The following VCL variants were observed in gnomAD, a reference collection of about 807,000 sequenced individuals.
VCL encodes the protein vinculin.
VCL carries 47 observed loss-of-function variants against 125.7 expected under a neutral mutation model. The ratio of observed to expected loss-of-function variants is 0.37; its 90% CI spans 0.30 to 0.48. The LOEUF (loss-of-function observed/expected upper bound fraction) is 0.48, where lower values mean the gene tolerates loss of function less well. Among genes scored for constraint, VCL ranks in the 20% least tolerant of loss-of-function variants. VCL has a pLI of 0.99. For missense variants in VCL, 1,069 were observed against 1,455.5 expected (o/e 0.73, Z 4.32); for synonymous variants, 458 against 514.6 (o/e 0.89, Z 1.49).
At chr10:74,109,854 A>C (rs1183592253) in intron 18 of VCL, among the ~76,000 whole-genome samples, 1 of 152,220 alleles carries the variant, frequency 6.6e-6, no homozygotes, top group Non-Finnish European at 1.5e-5. Context: ...AGTGAAAGGT[A>C]GCTCTTAGTT....
intron 13 of VCL, among the ~76,000 whole-genome samples, chr10:74,099,535 G>GTGAGTTCCT (rs1840019187): frequency 6.6e-6 from 1 of 152,182 alleles, no homozygotes; most frequent in African/African-American, 2.4e-5. Context: ...TCACTGGGCT[G>GTGAGTTCCT]TGAGTTCCTT....
intron 21 of VCL, among the ~76,000 whole-genome samples, chr10:74,115,994 C>T (rs566381468): frequency 6.6e-6 from 1 of 152,304 alleles, no homozygotes; most frequent in Admixed American, 6.5e-5. Context: ...ACACAGGGCT[C>T]CTCACACATG....
At chr10:74,081,740 G>C (rs11000868) in intron 6 of VCL, among the ~76,000 whole-genome samples, 1 of 151,932 alleles carries the variant, frequency 6.6e-6, no homozygotes, top group Non-Finnish European at 1.5e-5. Context: ...GATAGTCCTC[G>C]TGAATCCTGG....
intron 1 of VCL, among the ~76,000 whole-genome samples, chr10:74,008,630 C>G (rs1840362019): frequency 6.6e-6 from 1 of 152,180 alleles, no homozygotes; most frequent in Non-Finnish European, 1.5e-5. Flanking sequence ...CAAAGTTGAT[C>G]TGCTGCTTTT....
At chr10:74,044,944 C>T (rs1032602698) in intron 2 of VCL, among the ~76,000 whole-genome samples, 2 of 151,666 alleles carry the variant, frequency 1.3e-5, no homozygotes, top group African/African-American at 2.4e-5. Context: ...TTTGGGAGGC[C>T]GAGGAGGGAA....
At position 74,097,305 on chromosome 10, in the gene VCL, G is replaced by A. The variant is rs749812890; in HGVS notation, c.1845G>A (p.Ala615=). The A allele has an allele frequency of 9.9e-6, 16 of 1,613,692 alleles. No homozygotes were observed. The highest frequency in any genetic ancestry group is 2.7e-5 in the African/African-American group (2 of 75,008). The change falls in exon 13 of 22, where the codon GCG becomes GCA. Residue 615 remains alanine (A), a synonymous_variant. Transcript: ENST00000211998. The surrounding 1 kb of genome is among the most constrained non-coding windows in gnomAD (Gnocchi z 4.1). ...PIKLLAVAAT[A]PPDAPNREEV... ...AGCTGTTGGCAGTGGCAGCCACGGC[G>A]CCTCCTGATGCGCCTAACAGGGAAG...
At chr10:74,030,575 C>T (rs1840857131) in intron 1 of VCL, among the ~76,000 whole-genome samples, 1 of 152,138 alleles carries the variant, frequency 6.6e-6, no homozygotes, top group African/African-American at 2.4e-5. Context: ...AAATGATAAA[C>T]TCAGTTACAG....
chr10:74,073,506 T>A (rs765635846), intron 5 of VCL, among the ~76,000 whole-genome samples: 1 of 152,230 alleles, frequency 6.6e-6, no homozygotes, highest in Non-Finnish European at 1.5e-5. Context: ...CACACCTTTG[T>A]GTTATAGAAA....
chr10:74,074,615 T>C lies in VCL; in HGVS notation c.623-128T>C, dbSNP rs113749736. 3.9e-5 allele frequency: 41 copies of C among 1,040,346 alleles called. 2 individuals are homozygous for C. The African/African-American group carries it at 4.0e-4, about 10-fold the overall frequency. The allele number at this position is 1,040,346 out of a possible 1,614,324, so 64.4% of individuals were successfully genotyped here. On this transcript the variant is annotated intron_variant, in intron 5 of 21. Coordinates refer to ENST00000211998, the MANE Select transcript of VCL (RefSeq NM_014000.3). Reference sequence around the variant, plus strand: ...GAACTTTATTGTCAAACTTGTAGTGTTTGTTTTGTATACTCATTTTAGGAT... The same window carrying C: ...GAACTTTATTGTCAAACTTGTAGTGCTTGTTTTGTATACTCATTTTAGGAT...
intron 1 of VCL, among the ~76,000 whole-genome samples, chr10:74,039,014 C>T (rs180730006): frequency 1.6e-3 from 239 of 152,184 alleles, no homozygotes; most frequent in Non-Finnish European, 2.6e-3. Flanking sequence ...CAGGTTCAAG[C>T]GATTCTCTTG....
At chr10:74,018,248 G>A (rs188366468) in intron 1 of VCL, among the ~76,000 whole-genome samples, 1 of 132,540 alleles carries the variant, frequency 7.5e-6, no homozygotes, top group East Asian at 2.0e-4. Context: ...TTATAGAATG[G>A]GGTTTTACCA....
chr10:74,091,977 T>G lies in VCL; in HGVS notation c.1352+1779T>G, dbSNP rs551432943. On this transcript the variant is annotated intron_variant, in intron 10 of 21. Transcript: ENST00000211998. The stretch of plus-strand genomic sequence containing the variant: ...AGGCTGGAGTGCAGTGGCGTGATCT[T>G]GGCTCACTGCATCCTCCGCTTGCCA... Among the ~76,000 whole-genome samples the G allele has an allele frequency of 2.0e-5, 3 of 152,108 alleles. No individual in the cohort carries two copies. The South Asian group carries it at 6.2e-4, about 32-fold the overall frequency.
chr10:74,062,026 T>C (rs545944631), intron 2 of VCL, among the ~76,000 whole-genome samples: 55 of 151,112 alleles, frequency 3.6e-4, no homozygotes, highest in Non-Finnish European at 6.9e-4. Context: ...GCCTCAAGAG[T>C]AGCTGGGGCT....
rs780482320 is a variant in VCL at position 73,998,195 on chromosome 10, G to A, written c.-13G>A. ...TCTGTCGCCCGCGGTTCGCCGCCCC[G>A]CTCGCCGCCGCGATGCCAGTGTTTC... is the stretch of plus-strand genomic sequence containing the variant. On this transcript the variant is annotated 5_prime_UTR_variant, in exon 1 of 22. Coordinates refer to ENST00000211998, the MANE Select transcript of VCL (RefSeq NM_014000.3). The A allele has an allele frequency of 5.0e-6, 8 of 1,610,464 alleles. No homozygotes were observed. Among genetic ancestry groups the A allele is most frequent in the Admixed American group, 1.7e-5 (1 of 59,842 alleles).
Position 74,037,516 on chromosome 10 carries a change from T to C in VCL, c.169-5567T>C, listed in dbSNP as rs539987573. On this transcript the variant is annotated intron_variant, in intron 1 of 21. Coordinates refer to ENST00000211998, the MANE Select transcript of VCL (RefSeq NM_014000.3). ...AGAACAGAGGATGACAATCTTTGAA[T>C]AAATGGGCAGGTCAAGGTAACATAA... is the stretch of plus-strand genomic sequence containing the variant. Among the ~76,000 whole-genome samples, 11 of 152,352 alleles carry C rather than the reference T, an allele frequency of 7.2e-5. No homozygotes were observed. The South Asian group carries it at 1.0e-3, about 14-fold the overall frequency.
intron 1 of VCL, among the ~76,000 whole-genome samples, chr10:74,039,063 C>T (rs1055165767): frequency 2.0e-5 from 3 of 152,140 alleles, no homozygotes; most frequent in Non-Finnish European, 4.4e-5. Flanking sequence ...AGGCATCCGC[C>T]ACCACGCCCA....
intron 10 of VCL, among the ~76,000 whole-genome samples, chr10:74,092,686 T>G (rs1234939832): frequency 6.6e-6 from 1 of 152,220 alleles, no homozygotes. Context: ...CCATCACTGG[T>G]TGACTATGCA....
chr10:74,041,783 G>T (rs890847766), intron 1 of VCL, among the ~76,000 whole-genome samples: 1 of 151,718 alleles, frequency 6.6e-6, no homozygotes, highest in Non-Finnish European at 1.5e-5. Flanking sequence ...CATGCCTGTA[G>T]TCCCAGCTAC....
chr10:74,039,372 G>A (rs954811483), intron 1 of VCL, among the ~76,000 whole-genome samples: 3 of 150,208 alleles, frequency 2.0e-5, no homozygotes, highest in Admixed American at 1.3e-4. Context: ...GAAACCTTAA[G>A]TCACTACTAT....
Sources: gnomAD v4.1 joint callset for allele counts (sites outside exome capture counted in the v4.1 genomes callset) on GRCh38, gnomAD v4.1.1 for gene constraint, Gnocchi (gnomAD v3.1) non-coding constraint, MANE v1.5 for transcripts, NCBI Gene and HGNC (gene_info 2026-07-23, HGNC 2026-07-21) for gene names.